The following PCDHGC3 variants were observed in gnomAD, a reference collection of about 807,000 sequenced individuals.
The protein encoded by PCDHGC3 is protocadherin gamma-C3.
In PCDHGC3, 26 loss-of-function variants were observed where a neutral mutation model predicts 59.2. The ratio of observed to expected loss-of-function variants is 0.44; its 90% CI spans 0.32 to 0.61. PCDHGC3 has a LOEUF of 0.61. Ranked by LOEUF, PCDHGC3 falls within the 20% of genes least tolerant of loss-of-function variation. PCDHGC3 has a pLI of 0.05. For missense variants in PCDHGC3, 1,080 were observed against 1,221.8 expected, an observed-to-expected ratio of 0.88 and a Z score of 1.73; for synonymous variants, 487 against 519.7, an observed-to-expected ratio of 0.94 and a Z score of 0.86.
At chr5:141,500,446 T>C (rs2099800320) in intron 2 of PCDHGC3, among the ~76,000 whole-genome samples, 1 of 152,002 alleles carries the variant, frequency 6.6e-6, no homozygotes, top group South Asian at 2.1e-4. Context: ...CCTGACCTCG[T>C]GATCCGCCCG....
intron 1 of PCDHGC3, among the ~76,000 whole-genome samples, chr5:141,482,530 C>CAAAAAAAAAA (rs3074545): frequency 1.2e-3 from 90 of 76,428 alleles, no homozygotes; most frequent in African/African-American, 1.7e-3. Context: ...GACAGACATG[C>CAAAAAAAAAA]AAAAAAAAAA....
chr5:141,492,078 C>T (rs948391194), intron 1 of PCDHGC3: 4 of 483,290 alleles, frequency 8.3e-6, no homozygotes, highest in African/African-American at 2.0e-5. Flanking sequence ...GCGCCGGCTC[C>T]GGCACGCTTC....
Position 141,485,563 on chromosome 5 carries a change from C to T in PCDHGC3, c.2430+7017C>T, listed in dbSNP as rs746689576. The T allele has an allele frequency of 1.2e-5, 19 of 1,612,904 alleles. No homozygotes were observed. In the South Asian group the frequency reaches 1.6e-4, roughly 14 times the overall value. ...AGATCGTAGATGTGAATGATCACGCCCCCCGTTTTCCGCGGCAGCAGCTGG... is the reference window on the plus strand; with the variant it reads ...AGATCGTAGATGTGAATGATCACGCTCCCCGTTTTCCGCGGCAGCAGCTGG... On this transcript the variant is annotated intron_variant, in intron 1 of 3. Coordinates refer to ENST00000308177, the MANE Select transcript of PCDHGC3 (RefSeq NM_002588.4). This position sits in a 1 kb window ranked among gnomAD's most constrained non-coding sequence, Gnocchi z 5.7.
rs368105487 is a variant in PCDHGC3 at position 141,489,478 on chromosome 5, A to G, written c.2431-5329A>G. On this transcript the variant is annotated intron_variant, in intron 1 of 3. Transcript: ENST00000308177. This position sits in a 1 kb window ranked among gnomAD's most constrained non-coding sequence, Gnocchi z 4.5. Reference sequence around the variant, plus strand: ...TGGGCGCTATTTTTCCCTGAGCTTGATGAGTGGTGCCCTGGCAGTGAATCA... The same window carrying G: ...TGGGCGCTATTTTTCCCTGAGCTTGGTGAGTGGTGCCCTGGCAGTGAATCA... The G allele has an allele frequency of 1.1e-5, 18 of 1,613,956 alleles. No individual in the cohort carries two copies. The highest frequency in any genetic ancestry group is 1.5e-5 in the Non-Finnish European group (18 of 1,180,030).
In PCDHGC3 at chr5:141,512,501, G is replaced by A. The variant is rs1474842711; in HGVS notation, c.*1328G>A. The A allele has an allele frequency of 6.5e-6, 1 of 152,914 alleles. No homozygotes were observed. The highest frequency in any genetic ancestry group is 1.5e-5 in the Non-Finnish European group (1 of 68,258). The allele number at this position is 152,914 out of a possible 1,614,324, so 9.5% of individuals were successfully genotyped here. On this transcript the variant is annotated 3_prime_UTR_variant, in exon 4 of 4. Transcript: ENST00000308177. The stretch of plus-strand genomic sequence containing the variant: ...GAAGGCCACTGCCCAGGTCCCCAGT[G>A]CGCCCCCTAGTGGCCATAGCCTGGT...
At chr5:141,496,698 C>T (rs2099770595) in intron 2 of PCDHGC3, among the ~76,000 whole-genome samples, 1 of 152,196 alleles carries the variant, frequency 6.6e-6, no homozygotes, top group Non-Finnish European at 1.5e-5. Context: ...CCAACCTTCT[C>T]ATAAGTTATC....
rs530054362 is a variant in PCDHGC3 at position 141,486,066 on chromosome 5, C to G, written c.2430+7520C>G. ...AGAAACCTCTTTAGCCTGCACCCCACTACTGGAAAGCTTACTCTTTTGGGG... is the reference window on the plus strand; with the variant it reads ...AGAAACCTCTTTAGCCTGCACCCCAGTACTGGAAAGCTTACTCTTTTGGGG... On this transcript the variant is annotated intron_variant, in intron 1 of 3. Coordinates refer to ENST00000308177, the MANE Select transcript of PCDHGC3 (RefSeq NM_002588.4). This position sits in a 1 kb window ranked among gnomAD's most constrained non-coding sequence, Gnocchi z 5.0. The G allele has an allele frequency of 3.1e-6, 5 of 1,614,166 alleles. No homozygotes were observed. In the African/African-American group the frequency reaches 5.3e-5, roughly 17 times the overall value.
rs1004176028 is a variant in PCDHGC3 at position 141,477,025 on chromosome 5, G to A, written c.909G>A (p.Met303Ile). Residue 303 changes from methionine to isoleucine, a missense_variant, in exon 1 of 4, where the codon ATG (methionine) becomes ATA (isoleucine). Transcript: ENST00000308177. This position sits in a 1 kb window ranked among gnomAD's most constrained non-coding sequence, Gnocchi z 4.9. ...TCGCCTTAGACCTTGTAACCGGGATGCTGACAATCAAGGGTCGGCTGGACT... is the reference window on the plus strand; with the variant it reads ...TCGCCTTAGACCTTGTAACCGGGATACTGACAATCAAGGGTCGGCTGGACT... ...QLFALDLVTGMLTIKGRLDFE... is the reference protein window; with the variant it reads ...QLFALDLVTGILTIKGRLDFE... 10 of 1,614,146 alleles carry A rather than the reference G, an allele frequency of 6.2e-6. No homozygotes were observed. Among genetic ancestry groups the A allele is most frequent in the East Asian group, 2.2e-5 (1 of 44,888 alleles).
chr5:141,499,888 A>G (rs574246186), intron 2 of PCDHGC3, among the ~76,000 whole-genome samples: 105 of 152,174 alleles, frequency 6.9e-4, no homozygotes, highest in African/African-American at 2.4e-3. Flanking sequence ...GGGTTTCGCC[A>G]TGTTGGCCAG....
chr5:141,487,040 C>T lies in PCDHGC3; in HGVS notation c.2431-7767C>T, dbSNP rs374574042. The T allele has an allele frequency of 3.7e-6, 6 of 1,614,136 alleles. No homozygotes were observed. Among genetic ancestry groups the T allele is most frequent in the South Asian group, 1.1e-5 (1 of 91,082 alleles). On this transcript the variant is annotated intron_variant, in intron 1 of 3. Transcript: ENST00000308177. This position sits in a 1 kb window ranked among gnomAD's most constrained non-coding sequence, Gnocchi z 5.0. Reference sequence around the variant, plus strand: ...AGATCCCAGCCTGTTTGCAGTCTCTCGATATGCTGGGGAGGTGCGGACGGC... The same window carrying T: ...AGATCCCAGCCTGTTTGCAGTCTCTTGATATGCTGGGGAGGTGCGGACGGC...
Position 141,511,565 on chromosome 5 carries a change from AG to A in PCDHGC3, c.*393del, listed in dbSNP as rs2099883852. 6.8e-6 allele frequency: 2 copies of A among 296,092 alleles called. No homozygotes were observed. Among genetic ancestry groups the A allele is most frequent in the South Asian group, 7.4e-5 (2 of 26,988 alleles). The allele number at this position is 296,092 out of a possible 1,614,324, so 18.3% of individuals were successfully genotyped here. On this transcript the variant is annotated 3_prime_UTR_variant, in exon 4 of 4. Transcript: ENST00000308177. ...CCACTCCAACAGTTCCTCTTTCCCG[AG>A]TAAGGTGGTTGGGGTGTTGAAGTAC...
Position 141,477,991 on chromosome 5 carries a change from T to C in PCDHGC3, c.1875T>C (p.Thr625=), listed in dbSNP as rs774877878. Residue 625 remains threonine (T), a synonymous_variant, in exon 1 of 4, where the codon ACT becomes ACC. Transcript: ENST00000308177. The surrounding 1 kb of genome is among the most constrained non-coding windows in gnomAD (Gnocchi z 4.9). The stretch of plus-strand genomic sequence containing the variant: ...GCCTTTTTGCCATAGGGCTGCACAC[T>C]GGTCAAATCAGTACTGCCCGTCCAG... ...NQSLFAIGLH[T]GQISTARPVQ... is the part of the protein sequence containing the mutation. 2 of 1,614,134 alleles carry C rather than the reference T, an allele frequency of 1.2e-6. No individual in the cohort carries two copies. Among genetic ancestry groups the C allele is most frequent in the South Asian group, 2.2e-5 (2 of 91,082 alleles).
chr5:141,510,821 C>G, intron 3 of PCDHGC3, 126 bp from the exon 4 acceptor site: 2 of 1,559,324 alleles, frequency 1.3e-6, no homozygotes, highest in Non-Finnish European at 1.7e-6. Context: ...CCCCTATATT[C>G]CCAGTGCTCA....
At chr5:141,499,620 G>A (rs557854340) in intron 2 of PCDHGC3, among the ~76,000 whole-genome samples, 1 of 150,986 alleles carries the variant, frequency 6.6e-6, no homozygotes, top group Non-Finnish European at 1.5e-5. Context: ...TCCTGTCCTT[G>A]GATTCTTTTG....
At position 141,476,321 on chromosome 5, in the gene PCDHGC3, G is replaced by A; in HGVS notation, c.205G>A (p.Val69Met). 1 of 1,614,196 alleles carries A rather than the reference G, an allele frequency of 6.2e-7. No homozygotes were observed. The highest frequency in any genetic ancestry group is 1.3e-5 in the African/African-American group (1 of 75,054). ...GSLSARRFRV[V>M]SGASRRFFEV... ...CCTCTCAGCCCGCAGGTTCCGGGTG[G>A]TGTCTGGAGCTAGCCGAAGATTCTT... Residue 69 changes from valine (V) to methionine (M), a missense_variant, in exon 1 of 4, where the codon GTG becomes ATG. Coordinates refer to ENST00000308177, the MANE Select transcript of PCDHGC3 (RefSeq NM_002588.4). The surrounding 1 kb of genome is among the most constrained non-coding windows in gnomAD (Gnocchi z 7.6).
Position 141,510,363 on chromosome 5 carries a change from G to A in PCDHGC3, c.2579-584G>A, listed in dbSNP as rs973832487. Among the ~76,000 whole-genome samples the A allele has an allele frequency of 7.8e-5, 11 of 141,564 alleles. No individual in the cohort carries two copies. In the East Asian group the frequency reaches 1.6e-3, roughly 21 times the overall value. 92.9% of individuals were successfully genotyped at this position (141,564 alleles called of 152,430 possible). The stretch of plus-strand genomic sequence containing the variant: ...CCACACACTTACTAACGGAACTACC[G>A]AATCTCTACTCGTGCCAGGCCTTGC... On this transcript the variant is annotated intron_variant, in intron 3 of 3. Coordinates refer to ENST00000308177, the MANE Select transcript of PCDHGC3 (RefSeq NM_002588.4).
rs778851755 is a variant in PCDHGC3, at chr5:141,477,795, G to A, written c.1679G>A (p.Arg560His). Reference protein sequence around the residue: ...NISVNIFVTDRNDNAPQVLYP... With the variant: ...NISVNIFVTDHNDNAPQVLYP... ...AGCGTGAACATATTTGTCACTGATC[G>A]CAATGACAATGCCCCCCAGGTCCTA... The change falls in exon 1 of 4, where the codon CGC (arginine) becomes CAC (histidine). Residue 560 changes from arginine to histidine, a missense_variant. Arg to His is a conservative substitution (Grantham distance 29). Coordinates refer to ENST00000308177, the MANE Select transcript of PCDHGC3 (RefSeq NM_002588.4). This position sits in a 1 kb window ranked among gnomAD's most constrained non-coding sequence, Gnocchi z 4.9. The A allele has an allele frequency of 3.1e-6, 5 of 1,613,946 alleles. No individual in the cohort carries two copies. In the African/African-American group the frequency reaches 6.7e-5, roughly 22 times the overall value.
chr5:141,482,041 T>C (rs1443886481), intron 1 of PCDHGC3, among the ~76,000 whole-genome samples: 2 of 150,190 alleles, frequency 1.3e-5, no homozygotes, highest in Non-Finnish European at 2.9e-5. Context: ...GCCAAGATCA[T>C]GCTGTTGCAT....
At chr5:141,478,812 A>G (rs952753762) in intron 1 of PCDHGC3, 16 of 1,453,436 alleles carry the variant, frequency 1.1e-5, no homozygotes, top group Non-Finnish European at 1.4e-5. Flanking sequence ...TTGCTATCAC[A>G]ACTAACCAAT....
Sources: allele counts gnomAD v4.1 joint callset (sites outside exome capture counted in the v4.1 genomes callset), GRCh38; gene constraint gnomAD v4.1.1; non-coding constraint Gnocchi (gnomAD v3.1); transcripts MANE v1.5; gene names NCBI Gene and HGNC (gene_info 2026-07-23, HGNC 2026-07-21).